Variants in MCMBP observed in about 807,000 individuals in gnomAD.
The protein encoded by MCMBP is mini-chromosome maintenance complex-binding protein.
A neutral mutation model predicts 81.3 loss-of-function variants in MCMBP; 31 were observed. The ratio of observed to expected loss-of-function variants is 0.38; its 90% confidence interval spans 0.29 to 0.51. The LOEUF is 0.51. MCMBP is among the 20% of genes least tolerant of loss of function. The pLI, the probability that MCMBP is intolerant of heterozygous loss-of-function variation, is 0.87. For missense variants in MCMBP, 645 were observed against 772.1 expected (o/e 0.84, Z 1.95); for synonymous variants, 267 against 275.9 (o/e 0.97, Z 0.32).
intron 5 of MCMBP, among the ~76,000 whole-genome samples, chr10:119,854,952 C>CAA (rs748009891): frequency 4.2e-5 from 6 of 144,300 alleles, no homozygotes; most frequent in African/African-American, 1.3e-4. Context: ...GACTCTGCCT[C>CAA]AAAAAAAAAA....
intron 7 of MCMBP, 131 bp downstream of exon 7, chr10:119,849,294 T>C (rs1852726905): frequency 2.2e-6 from 2 of 920,358 alleles, no homozygotes; most frequent in Non-Finnish European, 3.2e-6. Context: ...TTTGCTGCTT[T>C]AGGCTATTAA....
intron 11 of MCMBP, among the ~76,000 whole-genome samples, chr10:119,840,403 G>A (rs1852393431): frequency 6.6e-6 from 1 of 152,142 alleles, no homozygotes; most frequent in Non-Finnish European, 1.5e-5. Context: ...CGCAAATACT[G>A]CATTCCAGAT....
Position 119,849,400 on chromosome 10 carries a change from T to C in MCMBP, c.726+25A>G, listed in dbSNP as rs374292169. On this transcript the variant is annotated intron_variant, in intron 7 of 15. Transcript: ENST00000369077. ...TTCTGAGACACATAACATTTCAGTGTTGGATCTACGAAAGGTTTTATTACC... is the reference window on the plus strand; with the variant it reads ...TTCTGAGACACATAACATTTCAGTGCTGGATCTACGAAAGGTTTTATTACC... The C allele has an allele frequency of 1.6e-5, 26 of 1,594,344 alleles. No homozygotes were observed. In the African/African-American group the frequency reaches 2.3e-4, roughly 14 times the overall value.
rs1265363517 is a variant in MCMBP at position 119,872,639 on chromosome 10, C to G, written c.-55G>C. 1.5e-5 allele frequency: 16 copies of G among 1,034,960 alleles called. No homozygotes were observed. The highest frequency in any genetic ancestry group is 1.9e-5 in the Non-Finnish European group (16 of 832,170). 64.1% of individuals were successfully genotyped at this position (1,034,960 alleles called of 1,614,324 possible). On this transcript the variant is annotated 5_prime_UTR_variant, in exon 1 of 16. Coordinates refer to ENST00000369077, the MANE Select transcript of MCMBP (RefSeq NM_001256378.2). ...GGGCGGAGGCGATCCGCGGGCCGAG[C>G]GCGGCCGGGCGGCCGGCGCCCAGCT...
rs1225539513 is a variant in MCMBP at position 119,830,674 on chromosome 10, T to C, written c.*800A>G. The C allele has an allele frequency of 6.6e-6, 1 of 152,634 alleles. No homozygotes were observed. The highest frequency in any genetic ancestry group is 2.4e-5 in the African/African-American group (1 of 41,460). 9.5% of individuals were successfully genotyped at this position (152,634 alleles called of 1,614,324 possible). The stretch of plus-strand genomic sequence containing the variant: ...GACAATGTAGTGTCTTGGTTTCTTT[T>C]GCCCCCAAAAGCCACATTCATTCCG... On this transcript the variant is annotated 3_prime_UTR_variant, in exon 16 of 16. Coordinates refer to ENST00000369077, the MANE Select transcript of MCMBP (RefSeq NM_001256378.2).
rs1851921242 is a variant in MCMBP at position 119,829,661 on chromosome 10, G to C, written c.*1813C>G. ...TGCCTGGGCGGGCCTTGAGCAGGAA[G>C]GTCCCTCTTGCACCACCTCCTCCAC... On this transcript the variant is annotated 3_prime_UTR_variant, in exon 16 of 16. Coordinates refer to ENST00000369077, the MANE Select transcript of MCMBP (RefSeq NM_001256378.2). 6.6e-6 allele frequency: 1 copy of C among 152,280 alleles called. No individual in the cohort carries two copies. The highest frequency in any genetic ancestry group is 2.1e-4 in the South Asian group (1 of 4,830). 9.4% of individuals were successfully genotyped at this position (152,280 alleles called of 1,614,324 possible).
chr10:119,867,895 C>T (rs543859071), intron 1 of MCMBP, among the ~76,000 whole-genome samples: 1 of 152,224 alleles, frequency 6.6e-6, no homozygotes, highest in African/African-American at 2.4e-5. Flanking sequence ...ACAATAAGGG[C>T]ACAGATTGTC....
At chr10:119,848,701 C>T (rs1211135353) in intron 7 of MCMBP, among the ~76,000 whole-genome samples, 1 of 152,120 alleles carries the variant, frequency 6.6e-6, no homozygotes, top group Non-Finnish European at 1.5e-5. Flanking sequence ...ATTTCTGAAC[C>T]TTCTATCACT....
chr10:119,831,702 T>G, intron 15 of MCMBP, 102 bp from the exon 16 acceptor site: 1 of 1,353,304 alleles, frequency 7.4e-7, no homozygotes, highest in Non-Finnish European at 1.0e-6. Flanking sequence ...CAGAGCACGT[T>G]AGGAGACAAG....
chr10:119,872,449 G>C (rs1853720838), intron 1 of MCMBP, 78 bp downstream of exon 1: 1 of 891,446 alleles, frequency 1.1e-6, no homozygotes, highest in Non-Finnish European at 1.4e-6. Context: ...CCGCGTGGGG[G>C]CCGCGCGGCG....
Position 119,843,413 on chromosome 10 carries a change from G to C in MCMBP, c.841C>G (p.Leu281Val). The change falls in exon 9 of 16, where the codon CTG (leucine) becomes GTG (valine). Residue 281 changes from leucine to valine, a missense_variant. Physicochemically the swap from Leu to Val is conservative, Grantham distance 32. Coordinates refer to ENST00000369077, the MANE Select transcript of MCMBP (RefSeq NM_001256378.2). ...TCTGTGCACTCCATCGGATCCAGCA[G>C]TGCAGAGGCATCCCTGTGGAGAGGT... ...LNNDERDASALLDPMECTDTA... is the reference protein window; with the variant it reads ...LNNDERDASAVLDPMECTDTA... 6.2e-7 allele frequency: 1 copy of C among 1,613,676 alleles called. No individual in the cohort carries two copies. Among genetic ancestry groups the C allele is most frequent in the Non-Finnish European group, 8.5e-7 (1 of 1,179,694 alleles).
At position 119,832,101 on chromosome 10, in the gene MCMBP, CT is replaced by C; in HGVS notation, c.1708-2del. ...TTTCCACAAAGTCATCTTCAACTGCCTTTATCAAAAGAGTAAATGTAAATGA... is the reference window on the plus strand; with the variant it reads ...TTTCCACAAAGTCATCTTCAACTGCCTTATCAAAAGAGTAAATGTAAATGA... On this transcript the variant is annotated splice_acceptor_variant, in intron 14 of 15. Transcript: ENST00000369077. LOFTEE classifies it high-confidence loss of function. 6.2e-7 allele frequency: 1 copy of C among 1,611,140 alleles called. No homozygotes were observed. The highest frequency in any genetic ancestry group is 8.5e-7 in the Non-Finnish European group (1 of 1,179,094).
intron 9 of MCMBP, chr10:119,843,005 G>C: frequency 2.3e-6 from 1 of 431,638 alleles, no homozygotes; most frequent in South Asian, 2.0e-5. Flanking sequence ...CACCCACCTT[G>C]GCCTCCTAAA....
Position 119,872,680 on chromosome 10 carries a change from G to C in MCMBP, c.-96C>G, listed in dbSNP as rs977988294. ...GCGCCCAGCTCCTCTTCAGCGGCTCGGCCGCTCCTCGCCCGCGTTCGCTCG... is the reference window on the plus strand; with the variant it reads ...GCGCCCAGCTCCTCTTCAGCGGCTCCGCCGCTCCTCGCCCGCGTTCGCTCG... On this transcript the variant is annotated 5_prime_UTR_variant, in exon 1 of 16. Transcript: ENST00000369077. The C allele has an allele frequency of 1.7e-6, 1 of 577,004 alleles. No individual in the cohort carries two copies. Among genetic ancestry groups the C allele is most frequent in the East Asian group, 6.8e-5 (1 of 14,668 alleles). The allele number at this position is 577,004 out of a possible 1,614,324, so 35.7% of individuals were successfully genotyped here.
rs1284100421 is a variant in MCMBP, at chr10:119,850,874, G to GTTTTTTTT, written c.575-1306_575-1299dup. On this transcript the variant is annotated intron_variant, in intron 6 of 15. Coordinates refer to ENST00000369077, the MANE Select transcript of MCMBP (RefSeq NM_001256378.2). ...AGAGGCTAAAAGGTATACAAGATCTGTTTTTTTTTTTTTTTTTTGAGACAG... is the reference window on the plus strand; with the variant it reads ...AGAGGCTAAAAGGTATACAAGATCTGTTTTTTTTTTTTTTTTTTTTTTTTTTGAGACAG... 4.8e-4 allele frequency among the ~76,000 whole-genome samples: 62 copies of GTTTTTTTT among 130,526 alleles called. 5 individuals carry two copies. Among genetic ancestry groups the GTTTTTTTT allele is most frequent in the South Asian group, 1.4e-3 (6 of 4,146 alleles). 85.6% of individuals were successfully genotyped at this position (130,526 alleles called of 152,430 possible). A position where few individuals can be genotyped will look rare whatever the true frequency, so the allele number is the denominator to read the frequency against.
chr10:119,839,702 A>T (rs947997105), intron 11 of MCMBP, among the ~76,000 whole-genome samples: 6 of 152,260 alleles, frequency 3.9e-5, no homozygotes, highest in African/African-American at 7.2e-5. Context: ...GAATTTTACC[A>T]TAGCAGACTA....
At chr10:119,854,216 A>AT (rs1179839754) in intron 5 of MCMBP, among the ~76,000 whole-genome samples, 4 of 151,492 alleles carry the variant, frequency 2.6e-5, no homozygotes, top group Non-Finnish European at 4.4e-5. Context: ...TAGTTTTTGT[A>AT]TTTTTTGTAG....
chr10:119,831,786 G>A (rs1463996311), intron 15 of MCMBP, among the ~76,000 whole-genome samples, 186 bp from the exon 16 acceptor site: 1 of 152,178 alleles, frequency 6.6e-6, no homozygotes, highest in Non-Finnish European at 1.5e-5. Flanking sequence ...AGTCAGAATT[G>A]GAAAGTGGCT....
chr10:119,845,689 G>A (rs1045225954), intron 8 of MCMBP, among the ~76,000 whole-genome samples: 2 of 152,150 alleles, frequency 1.3e-5, no homozygotes, highest in Non-Finnish European at 2.9e-5. Context: ...GTGGAACATA[G>A]CTCTGACTAC....
Sources: gnomAD v4.1 joint callset for allele counts (sites outside exome capture counted in the v4.1 genomes callset) on GRCh38, gnomAD v4.1.1 for gene constraint, MANE v1.5 for transcripts, NCBI Gene and HGNC (gene_info 2026-07-23, HGNC 2026-07-21) for gene names.